The following CD36 variants were observed in gnomAD, a reference collection of about 807,000 sequenced individuals.
The protein encoded by CD36 is platelet glycoprotein 4.
In CD36, 119 loss-of-function variants were observed where a neutral mutation model predicts 55.2. That is an observed-to-expected ratio of 2.15 (90% CI 1.86 to 2.51). The LOEUF (loss-of-function observed/expected upper bound fraction) is 2.51, where lower values mean the gene tolerates loss of function less well. Ranked by LOEUF, CD36 falls within the 30% of genes most tolerant of loss-of-function variation. The pLI, the probability that CD36 is intolerant of heterozygous loss-of-function variation, is 0.00. For synonymous variants in CD36, 186 were observed against 193.6 expected (o/e 0.96, Z 0.33); for missense variants, 819 against 555.5 (o/e 1.47, Z -4.77).
intron 1 of CD36, among the ~76,000 whole-genome samples, chr7:80,613,515 C>A (rs944240858): frequency 6.6e-5 from 10 of 152,092 alleles, no homozygotes; most frequent in African/African-American, 1.9e-4. Context: ...TTCACAAGAT[C>A]CTACTTCATC....
intron 6 of CD36, among the ~76,000 whole-genome samples, chr7:80,663,427 T>G (rs910502340): frequency 2.0e-5 from 3 of 152,170 alleles, no homozygotes; most frequent in South Asian, 4.1e-4. Flanking sequence ...ATACACAATT[T>G]TTTTTAAATT....
intron 1 of CD36, among the ~76,000 whole-genome samples, chr7:80,615,865 G>T (rs1240868916): frequency 1.3e-5 from 2 of 152,176 alleles, no homozygotes; most frequent in East Asian, 3.9e-4. Context: ...AGCTTTCTTT[G>T]TTTCAGATTG....
rs3211923 is a variant in CD36 at position 80,667,219 on chromosome 7, G to A, written c.748+730G>A. 5.3e-3 allele frequency among the ~76,000 whole-genome samples: 806 copies of A among 152,094 alleles called. 12 individuals are homozygous for A. The highest frequency in any genetic ancestry group is 0.018 in the African/African-American group (757 of 41,484). ...AAGGCAGGTAGACTACTTGTGCCCC[G>A]GAGGTTGAGACCAGCCTGGGCAACA... is the stretch of plus-strand genomic sequence containing the variant. On this transcript the variant is annotated intron_variant, in intron 8 of 14. Coordinates refer to ENST00000447544, the MANE Select transcript of CD36 (RefSeq NM_001001548.3).
chr7:80,621,042 A>T (rs1281241241), intron 1 of CD36, among the ~76,000 whole-genome samples: 1 of 152,194 alleles, frequency 6.6e-6, no homozygotes. Context: ...TCATTTTAAG[A>T]AACTGCCACA....
chr7:80,675,534 C>G (rs914036893), intron 14 of CD36, among the ~76,000 whole-genome samples: 6 of 151,926 alleles, frequency 3.9e-5, no homozygotes, highest in African/African-American at 1.5e-4. Context: ...CTTGCTGGAG[C>G]AACTTTGTCA....
chr7:80,639,676 G>A (rs1017194711), intron 1 of CD36, among the ~76,000 whole-genome samples: 6 of 151,928 alleles, frequency 3.9e-5, no homozygotes, highest in African/African-American at 9.7e-5. Flanking sequence ...TTTCTGTGTG[G>A]TTTGAAGTCA....
upstream of CD36, among the ~76,000 whole-genome samples, chr7:80,637,692 CTA>C (rs1166936729): frequency 6.6e-6 from 1 of 151,934 alleles, no homozygotes; most frequent in Admixed American, 6.6e-5. Context: ...ACCTAATGAA[CTA>C]AATATATTTC....
Position 80,671,005 on chromosome 7 carries a change from G to A in CD36, c.847G>A (p.Val283Ile), listed in dbSNP as rs201706287. ...AATCTATGCTGTATTTGAATCCGAC[G>A]TTAATCTGAAAGGAATCCCTGTGTA... ...RSIYAVFESD[V>I]NLKGIPVYRF... Residue 283 changes from valine (V) to isoleucine (I), a missense_variant, in exon 10 of 15, where the codon GTT becomes ATT. Physicochemically the swap from Val to Ile is conservative, Grantham distance 29 (BLOSUM62 3). Transcript: ENST00000447544. The A allele has an allele frequency of 1.9e-5, 30 of 1,613,316 alleles. No individual in the cohort carries two copies. The East Asian group carries it at 2.9e-4, about 16-fold the overall frequency.
At chr7:80,626,332 T>A (rs1793734274) in intron 1 of CD36, 1 of 152,148 alleles carries the variant, frequency 6.6e-6, no homozygotes, top group Non-Finnish European at 1.5e-5. Context: ...TAAATTATGA[T>A]TTATAATGGT....
chr7:80,672,359 A>G (rs1030314677), intron 11 of CD36, among the ~76,000 whole-genome samples: 2 of 151,824 alleles, frequency 1.3e-5, no homozygotes, highest in African/African-American at 4.8e-5. Flanking sequence ...AGTTTTAATC[A>G]TCTTTATTTT....
chr7:80,612,774 T>C (rs1792944887), intron 1 of CD36, among the ~76,000 whole-genome samples: 2 of 152,282 alleles, frequency 1.3e-5, no homozygotes, highest in South Asian at 4.1e-4. Context: ...GTCTTAAATG[T>C]ATAAGCATTG....
At chr7:80,673,093 T>G (rs1363381972) in intron 12 of CD36, 2 of 525,752 alleles carry the variant, frequency 3.8e-6, no homozygotes, top group East Asian at 6.1e-5. Flanking sequence ...TCTATGACAA[T>G]AATTAATTTT....
intron 8 of CD36, among the ~76,000 whole-genome samples, chr7:80,667,770 A>ATTTTTTTTTTT (rs1797262881): frequency 3.4e-5 from 1 of 29,058 alleles, no homozygotes; most frequent in African/African-American, 1.1e-4. Flanking sequence ...TTTTTTTTTG[A>ATTTTTTTTTTT]GACATAGTCT....
upstream of CD36, among the ~76,000 whole-genome samples, chr7:80,637,829 A>G (rs1649195113): frequency 6.6e-6 from 1 of 151,978 alleles, no homozygotes; most frequent in African/African-American, 2.4e-5. Flanking sequence ...GAATTTCTTT[A>G]TAAGAACAGG....
At position 80,662,976 on chromosome 7, in the gene CD36, CTT is replaced by C; in HGVS notation, c.430-12_430-11del. 1 of 1,599,510 alleles carries C rather than the reference CTT, an allele frequency of 6.3e-7. No homozygotes were observed. The highest frequency in any genetic ancestry group is 1.1e-5 in the South Asian group (1 of 90,652). ...ATTGTATTCTTGTCTTAAACAGTGA[CTT>C]TGTTTTTGTAGGCTGCATCCCATAT... On this transcript the variant is annotated splice_polypyrimidine_tract_variant and intron_variant, in intron 5 of 14. Coordinates refer to ENST00000447544, the MANE Select transcript of CD36 (RefSeq NM_001001548.3).
rs1798192174 is a variant in CD36 at position 80,677,264 on chromosome 7, A to T, written c.*881A>T. 6.6e-6 allele frequency: 1 copy of T among 152,186 alleles called. No individual in the cohort carries two copies. Among genetic ancestry groups the T allele is most frequent in the Non-Finnish European group, 1.5e-5 (1 of 68,034 alleles). 9.4% of individuals were successfully genotyped at this position (152,186 alleles called of 1,614,324 possible). A position where few individuals can be genotyped will look rare whatever the true frequency, so the allele number is the denominator to read the frequency against. On this transcript the variant is annotated 3_prime_UTR_variant, in exon 15 of 15. Transcript: ENST00000447544. ...TTTTTCCTTTTTCATAAGGAGACACATTAATAGGTAACTCTGTTTCTTGAG... is the reference window on the plus strand; with the variant it reads ...TTTTTCCTTTTTCATAAGGAGACACTTTAATAGGTAACTCTGTTTCTTGAG...
chr7:80,633,627 C>A (rs1019442942), intron 1 of CD36, among the ~76,000 whole-genome samples: 1 of 151,894 alleles, frequency 6.6e-6, no homozygotes. Flanking sequence ...ATGTGAAGTC[C>A]TTCCTCAACT....
chr7:80,608,511 TACTC>T (rs1792690907), intron 1 of CD36, among the ~76,000 whole-genome samples: 1 of 152,216 alleles, frequency 6.6e-6, no homozygotes, highest in Non-Finnish European at 1.5e-5. Context: ...GCATATAAAA[TACTC>T]ATACAAGTGT....
In CD36 at chr7:80,676,879, A is replaced by C. The variant is rs889282316; in HGVS notation, c.*496A>C. ...TGCTTTTCTAGCATTAAGAGATGTA[A>C]ATGATAAAGGAATTATTGTATGAAA... is the stretch of plus-strand genomic sequence containing the variant. On this transcript the variant is annotated 3_prime_UTR_variant, in exon 15 of 15. Coordinates refer to ENST00000447544, the MANE Select transcript of CD36 (RefSeq NM_001001548.3). 1.3e-5 allele frequency: 2 copies of C among 152,244 alleles called. No homozygotes were observed. The highest frequency in any genetic ancestry group is 1.5e-5 in the Non-Finnish European group (1 of 68,024). 9.4% of individuals were successfully genotyped at this position (152,244 alleles called of 1,614,324 possible).
Sources: allele counts gnomAD v4.1 joint callset (sites outside exome capture counted in the v4.1 genomes callset), GRCh38; gene constraint gnomAD v4.1.1; transcripts MANE v1.5; gene names NCBI Gene and HGNC (gene_info 2026-07-23, HGNC 2026-07-21).